The following GOLPH3L variants were observed in gnomAD, a reference collection of about 807,000 sequenced individuals.
GOLPH3L encodes the protein golgi phosphoprotein 3 like, also known as Golgi phosphoprotein 3-like.
GOLPH3L carries 22 observed loss-of-function variants against 30.3 expected under a neutral mutation model. The ratio of observed to expected loss-of-function variants is 0.73; its 90% CI spans 0.52 to 1.04. The LOEUF is 1.04. GOLPH3L is among the 50% of genes least tolerant of loss of function. The pLI is 0.00. For synonymous variants in GOLPH3L, 120 were observed against 128.2 expected, an observed-to-expected ratio of 0.94 and a Z score of 0.43; for missense variants, 303 against 345.8, an observed-to-expected ratio of 0.88 and a Z score of 0.98.
At chr1:150,683,259 T>G (rs1004065444) in intron 2 of GOLPH3L, among the ~76,000 whole-genome samples, 2 of 150,894 alleles carry the variant, frequency 1.3e-5, no homozygotes, top group African/African-American at 4.9e-5. Context: ...AAAATTGGCC[T>G]GGAGCGGTGG....
intron 4 of GOLPH3L, among the ~76,000 whole-genome samples, chr1:150,650,000 TA>T (rs922580955): frequency 4.6e-5 from 7 of 151,200 alleles, no homozygotes; most frequent in African/African-American, 1.7e-4. Context: ...AAATGAAAAA[TA>T]AAAAATAAAA....
At chr1:150,667,601 T>TA (rs1650537673) in intron 2 of GOLPH3L, among the ~76,000 whole-genome samples, 1 of 150,248 alleles carries the variant, frequency 6.7e-6, no homozygotes, top group Non-Finnish European at 1.5e-5. Flanking sequence ...CTTTCTTTTT[T>TA]TTTTTTTTTT....
intron 4 of GOLPH3L, among the ~76,000 whole-genome samples, chr1:150,656,748 A>C (rs1650249407): frequency 6.6e-6 from 1 of 152,210 alleles, no homozygotes; most frequent in Non-Finnish European, 1.5e-5. Flanking sequence ...TGTCCCTCTC[A>C]CGAAGGCACA....
In GOLPH3L at chr1:150,667,924, A is replaced by G. The variant is rs958047211; in HGVS notation, c.184-4161T>C. ...GTCTTTTCTTTGGCCTCTTTCCCCT[A>G]TTGGCCTTTGCACACACTGCTCTGT... On this transcript the variant is annotated intron_variant, in intron 2 of 4. Transcript: ENST00000271732. Among the ~76,000 whole-genome samples, 15 of 151,964 alleles carry G rather than the reference A, an allele frequency of 9.9e-5. No individual in the cohort carries two copies. The East Asian group carries it at 2.1e-3, about 22-fold the overall frequency.
chr1:150,664,154 A>G (rs1361129336), intron 2 of GOLPH3L, among the ~76,000 whole-genome samples: 4 of 151,894 alleles, frequency 2.6e-5, no homozygotes, highest in Non-Finnish European at 2.9e-5. Context: ...ATGTGCCACC[A>G]TGCCTGGCTG....
intron 3 of GOLPH3L, 144 bp downstream of exon 3, chr1:150,663,488 G>A (rs1014103257): frequency 4.7e-5 from 31 of 666,488 alleles, no homozygotes; most frequent in Admixed American, 5.8e-5. Context: ...TCTTGCAATA[G>A]GGTAATTAAC....
At chr1:150,675,955 C>T (rs1169740393) in intron 2 of GOLPH3L, among the ~76,000 whole-genome samples, 1 of 147,866 alleles carries the variant, frequency 6.8e-6, no homozygotes, top group East Asian at 2.0e-4. Context: ...TGATTGAACT[C>T]CTCCCTCCCT....
rs587597638 is a variant in GOLPH3L at position 150,673,996 on chromosome 1, G to A, written c.184-10233C>T. On this transcript the variant is annotated intron_variant, in intron 2 of 4. Coordinates refer to ENST00000271732, the MANE Select transcript of GOLPH3L (RefSeq NM_018178.6). Reference sequence around the variant, plus strand: ...CTAAGTCTATCTCCCCACAACTCACGTGATTTTTTTAAACAATAAAATATT... The same window carrying A: ...CTAAGTCTATCTCCCCACAACTCACATGATTTTTTTAAACAATAAAATATT... Among the ~76,000 whole-genome samples the A allele has an allele frequency of 6.0e-5, 9 of 151,086 alleles. No individual in the cohort carries two copies. In the South Asian group the frequency reaches 1.9e-3, roughly 32 times the overall value.
rs1281676171 is a variant in GOLPH3L, at chr1:150,646,446, A to G, written c.*1875T>C. 1 of 152,234 alleles carries G rather than the reference A, an allele frequency of 6.6e-6. No individual in the cohort carries two copies. The highest frequency in any genetic ancestry group is 2.4e-5 in the African/African-American group (1 of 41,458). 9.4% of individuals were successfully genotyped at this position (152,234 alleles called of 1,614,324 possible). A position where few individuals can be genotyped will look rare whatever the true frequency, so the allele number is the denominator to read the frequency against. On this transcript the variant is annotated 3_prime_UTR_variant, in exon 5 of 5. Transcript: ENST00000271732. ...CCACAGGAAAACCTGGTTTCAATTCATGCCGAATTGTTCAAAGAAAAGAAA... is the reference window on the plus strand; with the variant it reads ...CCACAGGAAAACCTGGTTTCAATTCGTGCCGAATTGTTCAAAGAAAAGAAA...
In GOLPH3L at chr1:150,646,561, C is replaced by CTGT. The variant is rs2101769129; in HGVS notation, c.*1757_*1759dup. On this transcript the variant is annotated 3_prime_UTR_variant, in exon 5 of 5. Coordinates refer to ENST00000271732, the MANE Select transcript of GOLPH3L (RefSeq NM_018178.6). Reference sequence around the variant, plus strand: ...CTGTATTCAGCCTCACATTTAGAGACTGTTTCCTATTACAATTTATATCTC... The same window carrying CTGT: ...CTGTATTCAGCCTCACATTTAGAGACTGTTGTTTCCTATTACAATTTATATCTC... 6.6e-6 allele frequency: 1 copy of CTGT among 152,294 alleles called. No individual in the cohort carries two copies. The highest frequency in any genetic ancestry group is 2.4e-5 in the African/African-American group (1 of 41,572). 9.4% of individuals were successfully genotyped at this position (152,294 alleles called of 1,614,324 possible). A position where few individuals can be genotyped will look rare whatever the true frequency, so the allele number is the denominator to read the frequency against.
chr1:150,678,711 G>A (rs1650877572), intron 2 of GOLPH3L, among the ~76,000 whole-genome samples: 1 of 152,188 alleles, frequency 6.6e-6, no homozygotes, highest in Non-Finnish European at 1.5e-5. Context: ...GGGTGCGGTG[G>A]CTCATGCCAC....
chr1:150,666,163 C>T (rs1466930392), intron 2 of GOLPH3L, among the ~76,000 whole-genome samples: 1 of 152,112 alleles, frequency 6.6e-6, no homozygotes, highest in African/African-American at 2.4e-5. Flanking sequence ...TTGTGCTTCC[C>T]ATAACTGTGG....
chr1:150,696,546 G>A (rs1228169132), intron 1 of GOLPH3L, among the ~76,000 whole-genome samples: 1 of 152,046 alleles, frequency 6.6e-6, no homozygotes, highest in Non-Finnish European at 1.5e-5. Context: ...AATTTATATT[G>A]ATTAAAATGA....
chr1:150,672,180 T>C (rs1287242393), intron 2 of GOLPH3L, among the ~76,000 whole-genome samples: 1 of 152,156 alleles, frequency 6.6e-6, no homozygotes, highest in Non-Finnish European at 1.5e-5. Context: ...ATCTGCCCAA[T>C]TCCAAAGCCC....
intron 2 of GOLPH3L, 84 bp from the exon 3 acceptor site, chr1:150,663,847 G>C: frequency 8.8e-7 from 1 of 1,130,872 alleles, no homozygotes; most frequent in East Asian, 2.4e-5. Flanking sequence ...AGGCCGCTTT[G>C]TTGTGATTCG....
At chr1:150,679,903 G>A (rs914111149) in intron 2 of GOLPH3L, among the ~76,000 whole-genome samples, 1 of 152,174 alleles carries the variant, frequency 6.6e-6, no homozygotes, top group African/African-American at 2.4e-5. Flanking sequence ...CTGGGAGTTC[G>A]AGACCCGCCT....
intron 4 of GOLPH3L, among the ~76,000 whole-genome samples, chr1:150,660,417 A>G (rs1312941611): frequency 1.3e-5 from 2 of 152,222 alleles, no homozygotes; most frequent in African/African-American, 2.4e-5. Context: ...ATGACCCAGC[A>G]ATTCTATTCC....
intron 2 of GOLPH3L, among the ~76,000 whole-genome samples, chr1:150,679,666 G>A (rs915823148): frequency 4.6e-5 from 7 of 152,124 alleles, no homozygotes; most frequent in South Asian, 2.1e-4. Flanking sequence ...CAGGCATGGC[G>A]GCATACGCCT....
intron 2 of GOLPH3L, among the ~76,000 whole-genome samples, chr1:150,677,925 C>T (rs970745078): frequency 1.1e-4 from 16 of 151,816 alleles, no homozygotes; most frequent in African/African-American, 3.6e-4. Context: ...CACACCTGGC[C>T]TCAAACAGTT....
Sources: allele counts gnomAD v4.1 joint callset (sites outside exome capture counted in the v4.1 genomes callset), GRCh38; gene constraint gnomAD v4.1.1; transcripts MANE v1.5; gene names NCBI Gene and HGNC (gene_info 2026-07-23, HGNC 2026-07-21).